Variants in RBFOX1 observed in about 807,000 individuals in gnomAD.
The protein encoded by RBFOX1 is RNA binding fox-1 homolog 1.
A neutral mutation model predicts 57.7 loss-of-function variants in RBFOX1; 8 were observed. The observed-to-expected ratio is 0.14, with a 90% CI of 0.08 to 0.25. The LOEUF (loss-of-function observed/expected upper bound fraction) is 0.25. Ranked by LOEUF, RBFOX1 falls within the 10% of genes least tolerant of loss-of-function variation. The probability of loss-of-function intolerance (pLI) is 1.00; values close to 1 mark genes in which losing one functional copy is unlikely to be tolerated. For missense variants in RBFOX1, 611 were observed against 548.5 expected (o/e 1.11, Z -1.14); for synonymous variants, 326 against 222.4 (o/e 1.47, Z -4.15).
intron 2 of RBFOX1, among the ~76,000 whole-genome samples, chr16:6,507,473 T>A (rs1203480241): frequency 1.8e-5 from 2 of 113,276 alleles, no homozygotes; most frequent in Admixed American, 2.4e-4. Flanking sequence ...GAGTTGGAAA[T>A]CAACCTGGGC....
intron 2 of RBFOX1, among the ~76,000 whole-genome samples, chr16:6,486,741 G>A (rs2095491587): frequency 6.7e-6 from 1 of 150,260 alleles, no homozygotes; most frequent in African/African-American, 2.4e-5. Context: ...ATCTTTGTTT[G>A]CATTTATGGG....
At chr16:5,889,365 T>G (rs866074785) in intron 4 of RBFOX1, among the ~76,000 whole-genome samples, 2 of 152,210 alleles carry the variant, frequency 1.3e-5, no homozygotes, top group Non-Finnish European at 2.9e-5. Flanking sequence ...GATAATGGCT[T>G]CCAGTTCCAT....
At chr16:6,482,625 C>G (rs996703627) in intron 2 of RBFOX1, among the ~76,000 whole-genome samples, 1 of 152,166 alleles carries the variant, frequency 6.6e-6, no homozygotes, top group African/African-American at 2.4e-5. Context: ...GAAACCTCAG[C>G]GCATTCTCAT....
intron 3 of RBFOX1, among the ~76,000 whole-genome samples, chr16:7,031,690 C>T (rs954193358): frequency 6.6e-6 from 1 of 152,116 alleles, no homozygotes; most frequent in Non-Finnish European, 1.5e-5. Context: ...CGAGATAATC[C>T]AGTACTTTAT....
intron 2 of RBFOX1, among the ~76,000 whole-genome samples, chr16:5,560,448 T>C (rs1043919082): frequency 1.8e-4 from 28 of 152,164 alleles, no homozygotes; most frequent in African/African-American, 6.5e-4. Flanking sequence ...TCCGGTGTTA[T>C]TACACTGCAC....
intron 2 of RBFOX1, among the ~76,000 whole-genome samples, chr16:5,533,378 A>G (rs1258261908): frequency 2.0e-5 from 3 of 152,208 alleles, no homozygotes; most frequent in East Asian, 1.9e-4. Context: ...GACGGCAGAG[A>G]TAAGAAGTAA....
At chr16:5,681,717 A>G (rs891166479) in intron 3 of RBFOX1, among the ~76,000 whole-genome samples, 6 of 152,100 alleles carry the variant, frequency 3.9e-5, no homozygotes, top group Non-Finnish European at 8.8e-5. Context: ...TGAGACCTGT[A>G]GGATAAAATT....
chr16:6,514,107 G>C (rs1237811721), intron 2 of RBFOX1, among the ~76,000 whole-genome samples: 1 of 152,140 alleles, frequency 6.6e-6, no homozygotes, highest in Non-Finnish European at 1.5e-5. Flanking sequence ...CCTGTCATTA[G>C]GTGAACCCAG....
chr16:6,318,565 G>T (rs947558070), intron 2 of RBFOX1, among the ~76,000 whole-genome samples: 2 of 152,108 alleles, frequency 1.3e-5, no homozygotes, highest in South Asian at 4.1e-4. Flanking sequence ...TCATTCCTCT[G>T]TCTTCTGAAT....
At chr16:7,451,520 G>C (rs60342942) in intron 4 of RBFOX1, among the ~76,000 whole-genome samples, 4,291 of 152,120 alleles carry the variant, frequency 0.028, 193 homozygotes, top group African/African-American at 0.097. Context: ...CAACTTATAA[G>C]CAGTGGTGGA....
At chr16:7,177,230 T>C (rs1567581618) in intron 4 of RBFOX1, among the ~76,000 whole-genome samples, 1 of 152,154 alleles carries the variant, frequency 6.6e-6, no homozygotes, top group African/African-American at 2.4e-5. Flanking sequence ...AAGGGGAAAT[T>C]TGTGCTCCTT....
chr16:5,363,462 C>A (rs1404879615), intron 1 of RBFOX1, among the ~76,000 whole-genome samples: 1 of 152,204 alleles, frequency 6.6e-6, no homozygotes, highest in Non-Finnish European at 1.5e-5. Flanking sequence ...TCTCTAGCTT[C>A]AGTTGCAGGA....
At chr16:7,093,781 G>A (rs1247176692) in intron 4 of RBFOX1, among the ~76,000 whole-genome samples, 5 of 151,886 alleles carry the variant, frequency 3.3e-5, no homozygotes, top group East Asian at 1.9e-4. Flanking sequence ...ACTTTTTTGT[G>A]TTTTCCTGAA....
intron 3 of RBFOX1, among the ~76,000 whole-genome samples, chr16:6,712,985 C>T (rs1214945006): frequency 6.8e-6 from 1 of 146,278 alleles, no homozygotes; most frequent in Admixed American, 7.1e-5. Flanking sequence ...CCTGCACATG[C>T]TCTCTTGCCT....
intron 1 of RBFOX1, among the ~76,000 whole-genome samples, chr16:6,164,300 C>G (rs771496803): frequency 6.6e-6 from 1 of 152,036 alleles, no homozygotes; most frequent in Non-Finnish European, 1.5e-5. Flanking sequence ...CCTGATAATA[C>G]TATAAATAAT....
intron 3 of RBFOX1, among the ~76,000 whole-genome samples, chr16:5,843,667 C>G (rs1303850949): frequency 2.0e-5 from 3 of 152,224 alleles, no homozygotes; most frequent in Non-Finnish European, 4.4e-5. Flanking sequence ...CAAGCCATTC[C>G]TTGAAGCAAG....
At chr16:6,181,840 C>T (rs148264558) in intron 1 of RBFOX1, among the ~76,000 whole-genome samples, 5 of 152,234 alleles carry the variant, frequency 3.3e-5, no homozygotes, top group Admixed American at 6.5e-5. Context: ...TCATCATGGT[C>T]TGATGTGAAT....
At chr16:5,631,237 G>A (rs549431785) in intron 3 of RBFOX1, among the ~76,000 whole-genome samples, 1 of 152,148 alleles carries the variant, frequency 6.6e-6, no homozygotes, top group Non-Finnish European at 1.5e-5. Flanking sequence ...GGTCTTAGAG[G>A]CTCTCTCCAA....
At chr16:5,811,143 A>ATTTTTTTTTT (rs374827330) in intron 3 of RBFOX1, among the ~76,000 whole-genome samples, 3 of 104,574 alleles carry the variant, frequency 2.9e-5, no homozygotes, top group Non-Finnish European at 3.5e-5. Flanking sequence ...TATGGAACAA[A>ATTTTTTTTTT]TTTTTTTTTT....
Sources: allele counts gnomAD v4.1 joint callset (sites outside exome capture counted in the v4.1 genomes callset), GRCh38; gene constraint gnomAD v4.1.1; transcripts MANE v1.5; gene names NCBI Gene and HGNC (gene_info 2026-07-23, HGNC 2026-07-21).